Variants in POLR2E observed in about 807,000 individuals in gnomAD.
POLR2E encodes the protein RNA polymerase II, I and III subunit E.
In POLR2E, 35 loss-of-function variants were observed where a neutral mutation model predicts 29.8. The ratio of observed to expected loss-of-function variants is 1.17; its 90% CI spans 0.90 to 1.55. POLR2E has a LOEUF of 1.55. Among genes scored for constraint, POLR2E ranks in the 40% most tolerant of loss-of-function variants. POLR2E has a pLI of 0.00. For synonymous variants in POLR2E, 174 were observed against 112.6 expected (o/e 1.55, Z -3.45); for missense variants, 287 against 288.6 (o/e 0.99, Z 0.04).
chr19:1,090,104 T>C lies in POLR2E; in HGVS notation c.471A>G (p.Thr157=), dbSNP rs1440574954. The part of the protein sequence containing the change: ...EHVVMTKEEV[T]ELLARYKLRE... Reference sequence around the variant, plus strand: ...AAGGATACTATCGGGCCAGCAGCTCTGTCACCTCCTCCTTGGTCATGACGA... The same window carrying C: ...AAGGATACTATCGGGCCAGCAGCTCCGTCACCTCCTCCTTGGTCATGACGA... Residue 157 remains threonine (T), a synonymous_variant, in exon 5 of 8, where the codon ACA becomes ACG. Coordinates refer to ENST00000615234, the MANE Select transcript of POLR2E (RefSeq NM_002695.5). 6.8e-6 allele frequency: 11 copies of C among 1,612,452 alleles called. No homozygotes were observed. Among genetic ancestry groups the C allele is most frequent in the Non-Finnish European group, 9.3e-6 (11 of 1,179,898 alleles).
chr19:1,094,125 C>T (rs372020948), intron 1 of POLR2E, 47 bp from the exon 2 acceptor site: 38 of 1,556,078 alleles, frequency 2.4e-5, no homozygotes, highest in East Asian at 4.5e-5. Context: ...GAGAGGAAGG[C>T]GGCCAAAGCT....
At position 1,089,561 on chromosome 19, in the gene POLR2E, CAG is replaced by C. The variant is rs758141192; in HGVS notation, c.568-12_568-11del. ...GGATGATCTTCACCACCTGCAGAGA[CAG>C]AGAGCAGGGGCTGCGAATGCTTGAG... On this transcript the variant is annotated splice_polypyrimidine_tract_variant and intron_variant, in intron 6 of 7. Coordinates refer to ENST00000615234, the MANE Select transcript of POLR2E (RefSeq NM_002695.5). The C allele has an allele frequency of 9.3e-6, 15 of 1,612,722 alleles. No individual in the cohort carries two copies. Among genetic ancestry groups the C allele is most frequent in the Non-Finnish European group, 1.2e-5 (14 of 1,178,874 alleles).
rs1053802926 is a variant in POLR2E at position 1,089,563 on chromosome 19, G to C, written c.568-12C>G. On this transcript the variant is annotated splice_polypyrimidine_tract_variant and intron_variant, in intron 6 of 7. Coordinates refer to ENST00000615234, the MANE Select transcript of POLR2E (RefSeq NM_002695.5). Reference sequence around the variant, plus strand: ...ATGATCTTCACCACCTGCAGAGACAGAGAGCAGGGGCTGCGAATGCTTGAG... The same window carrying C: ...ATGATCTTCACCACCTGCAGAGACACAGAGCAGGGGCTGCGAATGCTTGAG... 6.2e-7 allele frequency: 1 copy of C among 1,612,050 alleles called. No individual in the cohort carries two copies. Among genetic ancestry groups the C allele is most frequent in the Non-Finnish European group, 8.5e-7 (1 of 1,178,372 alleles).
chr19:1,091,256 G>A (rs1021654696), intron 3 of POLR2E, among the ~76,000 whole-genome samples: 1 of 152,244 alleles, frequency 6.6e-6, no homozygotes, highest in Non-Finnish European at 1.5e-5. Flanking sequence ...GCGGCCCTCA[G>A]AGCTGGCAGG....
At chr19:1,091,019 G>A (rs542066197) in intron 3 of POLR2E, 31 bp from the exon 4 acceptor site, 59 of 1,601,504 alleles carry the variant, frequency 3.7e-5, no homozygotes, top group Middle Eastern at 1.7e-4. Flanking sequence ...GGCACGGCCC[G>A]GAGGGGCCCA....
In POLR2E at chr19:1,087,731, CCTGGGGAT is replaced by C. The variant is rs768785575; in HGVS notation, c.*996_*1003del. The C allele has an allele frequency of 2.0e-5, 3 of 152,458 alleles. No homozygotes were observed. The highest frequency in any genetic ancestry group is 3.4e-3 in the Middle Eastern group (1 of 294). 9.4% of individuals were successfully genotyped at this position (152,458 alleles called of 1,614,324 possible). A position where few individuals can be genotyped will look rare whatever the true frequency, so the allele number is the denominator to read the frequency against. On this transcript the variant is annotated 3_prime_UTR_variant, in exon 8 of 8. Transcript: ENST00000615234. ...TCCCCATCACACACACAGTCCGCGG[CCTGGGGAT>C]CTGGGGACCCTGCTGCACAGAACAG...
chr19:1,091,841 GTGA>G lies in POLR2E; in HGVS notation c.296_298del (p.Ile99del), dbSNP rs1568513312. ...CTGCTGCACCACGATGAGAGCCCGT[GTGA>G]TGTTCTCCTCCTGCATGCGCTGGCA... is the stretch of plus-strand genomic sequence containing the variant. On this transcript the variant is annotated inframe_deletion, in exon 3 of 8. Transcript: ENST00000615234. 4 of 1,613,208 alleles carry G rather than the reference GTGA, an allele frequency of 2.5e-6. No individual in the cohort carries two copies. Among genetic ancestry groups the G allele is most frequent in the East Asian group, 2.2e-5 (1 of 44,878 alleles).
At chr19:1,091,606 G>C in intron 3 of POLR2E, 186 bp downstream of exon 3, 1 of 593,836 alleles carries the variant, frequency 1.7e-6, no homozygotes, top group South Asian at 1.9e-5. Flanking sequence ...CGGCTGCCTG[G>C]GGTGGGGCCC....
chr19:1,091,352 G>C (rs929240889), intron 3 of POLR2E: 1 of 372,942 alleles, frequency 2.7e-6, no homozygotes, highest in Admixed American at 4.2e-5. Context: ...CTGCTCTGCT[G>C]ACTGCCCGTC....
chr19:1,092,110 C>T (rs999947151), intron 2 of POLR2E, among the ~76,000 whole-genome samples: 4 of 152,162 alleles, frequency 2.6e-5, no homozygotes, highest in Admixed American at 6.5e-5. Context: ...CTCATTCACC[C>T]GGAGACAGGG....
chr19:1,095,234 GCC>G (rs750398306), intron 1 of POLR2E, 23 bp downstream of exon 1: 7 of 1,609,880 alleles, frequency 4.3e-6, no homozygotes, highest in Non-Finnish European at 5.9e-6. Flanking sequence ...CCGCGCCCCC[GCC>G]CCCAACACCA....
rs772300924 is a variant in POLR2E, at chr19:1,090,965, C to T, written c.372G>A (p.Lys124=). ...GCTGCAGAAACTGCTCCAGGATGTA[C>T]TTGGGGGCCATGTCGACCAGGGACT... The part of the protein sequence containing the change: ...AKQSLVDMAP[K]YILEQFLQQE... The change falls in exon 4 of 8, where the codon AAG becomes AAA. Residue 124 remains lysine (K), a synonymous_variant. Transcript: ENST00000615234. 1.2e-6 allele frequency: 2 copies of T among 1,613,724 alleles called. No homozygotes were observed. Among genetic ancestry groups the T allele is most frequent in the Admixed American group, 1.7e-5 (1 of 60,020 alleles).
At position 1,091,833 on chromosome 19, in the gene POLR2E, G is replaced by C. The variant is rs1460721946; in HGVS notation, c.307C>G (p.Leu103Val). 8.1e-6 allele frequency: 13 copies of C among 1,612,826 alleles called. No individual in the cohort carries two copies. The highest frequency in any genetic ancestry group is 4.0e-5 in the African/African-American group (3 of 74,908). Residue 103 changes from leucine to valine, a missense_variant, in exon 3 of 8, where the codon CTC becomes GTC. Transcript: ENST00000615234. Reference protein sequence around the residue: ...RMQEENITRALIVVQQGMTPS... With the variant: ...RMQEENITRAVIVVQQGMTPS... ...GTCATGCCCTGCTGCACCACGATGA[G>C]AGCCCGTGTGATGTTCTCCTCCTGC...
rs1318826891 is a variant in POLR2E at position 1,095,301 on chromosome 19, C to T, written c.15G>A (p.Glu5=). Residue 5 remains glutamate (E), a synonymous_variant, in exon 1 of 8, where the codon GAG becomes GAA. Transcript: ENST00000615234. The part of the protein sequence containing the change: MDDE[E]ETYRLWKIRK... ...GGATTTTCCAGAGCCGGTACGTCTC[C>T]TCCTCGTCGTCCATGGCAGCCTCCG... The T allele has an allele frequency of 2.5e-6, 4 of 1,613,094 alleles. No homozygotes were observed. The highest frequency in any genetic ancestry group is 3.3e-5 in the Admixed American group (2 of 59,984).
At chr19:1,095,049 A>C in intron 1 of POLR2E, 26 of 364,272 alleles carry the variant, frequency 7.1e-5, no homozygotes, top group East Asian at 1.1e-4. Context: ...CACCGCACCC[A>C]GACGTCTCGA....
chr19:1,092,030 G>A (rs1264150080), intron 2 of POLR2E, 123 bp from the exon 3 acceptor site: 16 of 674,338 alleles, frequency 2.4e-5, no homozygotes, highest in Admixed American at 6.9e-5. Flanking sequence ...CTCGGGCCTC[G>A]GCTTCCGCGT....
intron 2 of POLR2E, 169 bp downstream of exon 2, chr19:1,093,735 G>A (rs1173944358): frequency 1.4e-5 from 20 of 1,405,556 alleles, no homozygotes; most frequent in Non-Finnish European, 1.8e-5. Flanking sequence ...AGAGGGGTCA[G>A]AGATCAACGG....
rs535521174 is a variant in POLR2E, at chr19:1,086,907, C to G, written c.*1828G>C. The G allele has an allele frequency of 1.3e-5, 2 of 152,256 alleles. No individual in the cohort carries two copies. Among genetic ancestry groups the G allele is most frequent in the South Asian group, 4.1e-4 (2 of 4,822 alleles). 9.4% of individuals were successfully genotyped at this position (152,256 alleles called of 1,614,324 possible). On this transcript the variant is annotated 3_prime_UTR_variant, in exon 8 of 8. Coordinates refer to ENST00000615234, the MANE Select transcript of POLR2E (RefSeq NM_002695.5). ...CCAGGAAAACGTTCTCGATGACGGA[C>G]GTATCCCCCGGCTCTAAGGTTTCGC...
chr19:1,091,515 G>A (rs112981872), intron 3 of POLR2E: 74 of 488,110 alleles, frequency 1.5e-4, no homozygotes, highest in African/African-American at 1.0e-3. Flanking sequence ...GCACCAGGCC[G>A]AGGGCTGGAG....
Sources: allele counts gnomAD v4.1 joint callset (sites outside exome capture counted in the v4.1 genomes callset), GRCh38; gene constraint gnomAD v4.1.1; transcripts MANE v1.5; gene names NCBI Gene and HGNC (gene_info 2026-07-23, HGNC 2026-07-21).